The following GXYLT1 variants were observed in gnomAD, a reference collection of about 807,000 sequenced individuals.
GXYLT1 encodes glucoside xylosyltransferase 1.
In GXYLT1, 29 loss-of-function variants were observed where a neutral mutation model predicts 54.0. The ratio of observed to expected loss-of-function variants is 0.54; its 90% confidence interval spans 0.40 to 0.73. The LOEUF is 0.73. Among genes scored for constraint, GXYLT1 ranks in the 30% least tolerant of loss-of-function variants. The pLI, the probability that GXYLT1 is intolerant of heterozygous loss-of-function variation, is 0.00. For synonymous variants in GXYLT1, 176 were observed against 204.1 expected (o/e 0.86, Z 1.17); for missense variants, 490 against 553.4 (o/e 0.89, Z 1.15).
chr12:42,111,279 G>C (rs2065453123), intron 3 of GXYLT1, among the ~76,000 whole-genome samples: 1 of 152,238 alleles, frequency 6.6e-6, no homozygotes, highest in Admixed American at 6.5e-5. Flanking sequence ...CCAGACAGTA[G>C]GTGCAGGACA....
chr12:42,110,192 C>T (rs2136894602), intron 3 of GXYLT1, among the ~76,000 whole-genome samples: 2 of 152,254 alleles, frequency 1.3e-5, no homozygotes, highest in South Asian at 2.1e-4. Flanking sequence ...GATACATAGC[C>T]AATGCCAATT....
rs938663247 is a variant in GXYLT1, at chr12:42,086,622, T to C, written c.*1164A>G. The stretch of plus-strand genomic sequence containing the variant: ...TCAAGAATGCCAAAGAAGTAATTTC[T>C]CAAGATTTAAAAAAATTAACTGTCT... On this transcript the variant is annotated 3_prime_UTR_variant, in exon 8 of 8. Transcript: ENST00000398675. 1 of 152,176 alleles carries C rather than the reference T, an allele frequency of 6.6e-6. No homozygotes were observed. The highest frequency in any genetic ancestry group is 1.5e-5 in the Non-Finnish European group (1 of 68,004). 9.4% of individuals were successfully genotyped at this position (152,176 alleles called of 1,614,324 possible). A position where few individuals can be genotyped will look rare whatever the true frequency, so the allele number is the denominator to read the frequency against.
intron 4 of GXYLT1, among the ~76,000 whole-genome samples, chr12:42,108,650 G>A (rs1482196768): frequency 1.3e-5 from 2 of 152,018 alleles, no homozygotes; most frequent in African/African-American, 4.8e-5. Context: ...TTTTAGGGCG[G>A]AGCAACAAAC....
chr12:42,089,286 A>C (rs1244658398), intron 7 of GXYLT1, among the ~76,000 whole-genome samples: 1 of 140,152 alleles, frequency 7.1e-6, no homozygotes, highest in African/African-American at 2.7e-5. Flanking sequence ...GAACTGAACA[A>C]TGAGAACACA....
intron 2 of GXYLT1, among the ~76,000 whole-genome samples, chr12:42,121,192 C>T (rs2065528987): frequency 1.3e-5 from 2 of 152,150 alleles, no homozygotes; most frequent in Non-Finnish European, 2.9e-5. Flanking sequence ...ATAACAGGCT[C>T]GGATTGCTTT....
intron 3 of GXYLT1, among the ~76,000 whole-genome samples, chr12:42,116,667 G>T (rs373918730): frequency 1.6e-4 from 25 of 152,270 alleles, no homozygotes; most frequent in East Asian, 7.7e-4. Flanking sequence ...GGAACACTTT[G>T]ACACTGTTGG....
At position 42,116,360 on chromosome 12, in the gene GXYLT1, A is replaced by T. The variant is rs185231933; in HGVS notation, c.486+2640T>A. On this transcript the variant is annotated intron_variant, in intron 3 of 7. Coordinates refer to ENST00000398675, the MANE Select transcript of GXYLT1 (RefSeq NM_173601.2). ...GAACCGGCAACCTACAGAATGGGAG[A>T]AAATTTTTGCAAGCTACTCATCTGA... Among the ~76,000 whole-genome samples the T allele has an allele frequency of 3.7e-3, 565 of 152,346 alleles. 1 individual carries two copies. The highest frequency in any genetic ancestry group is 0.011 in the African/African-American group (467 of 41,570).
At chr12:42,115,865 C>T (rs1216224100) in intron 3 of GXYLT1, among the ~76,000 whole-genome samples, 12 of 134,116 alleles carry the variant, frequency 8.9e-5, no homozygotes, top group Middle Eastern at 3.6e-3. Flanking sequence ...CATCATGCTA[C>T]CTGACTTCAA....
At chr12:42,135,068 A>G (rs538082513) in intron 1 of GXYLT1, among the ~76,000 whole-genome samples, 2 of 152,336 alleles carry the variant, frequency 1.3e-5, no homozygotes, top group East Asian at 1.9e-4. Flanking sequence ...TCCCTGCATC[A>G]TTTATTGACT....
Position 42,109,702 on chromosome 12 carries a change from T to TAA in GXYLT1, c.487-12_487-11insTT, listed in dbSNP as rs201103553. The stretch of plus-strand genomic sequence containing the variant: ...TGACCAGTTGTCAAGCTAAAACAAT[T>TAA]TAAAAAAAAACTGTTTAGTTTCACT... On this transcript the variant is annotated splice_polypyrimidine_tract_variant and intron_variant, in intron 3 of 7. Coordinates refer to ENST00000398675, the MANE Select transcript of GXYLT1 (RefSeq NM_173601.2). 2.2e-3 allele frequency: 2,869 copies of TAA among 1,307,264 alleles called. 3 individuals carry two copies. The highest frequency in any genetic ancestry group is 2.6e-3 in the Non-Finnish European group (2,525 of 955,366). 81.0% of individuals were successfully genotyped at this position (1,307,264 alleles called of 1,614,324 possible). A position where few individuals can be genotyped will look rare whatever the true frequency, so the allele number is the denominator to read the frequency against.
At chr12:42,088,726 G>A (rs944254785) in intron 7 of GXYLT1, among the ~76,000 whole-genome samples, 6 of 151,964 alleles carry the variant, frequency 3.9e-5, no homozygotes, top group Admixed American at 2.6e-4. Context: ...TTTCAACTAG[G>A]TGTATTTTCA....
intron 3 of GXYLT1, among the ~76,000 whole-genome samples, chr12:42,114,305 C>G (rs569408124): frequency 1.3e-5 from 2 of 152,194 alleles, no homozygotes; most frequent in South Asian, 4.2e-4. Flanking sequence ...GAAACAGAGA[C>G]ACAAAAAACA....
Position 42,107,525 on chromosome 12 carries a change from T to C in GXYLT1, c.613-1456A>G, listed in dbSNP as rs1013014297. ...GACCAATACGGCAAAACGCTGTCTC[T>C]ACTAAAAATACAAAAATTAGCCAGG... On this transcript the variant is annotated intron_variant, in intron 4 of 7. Coordinates refer to ENST00000398675, the MANE Select transcript of GXYLT1 (RefSeq NM_173601.2). Among the ~76,000 whole-genome samples the C allele has an allele frequency of 4.6e-5, 7 of 152,100 alleles. 1 individual carries two copies. The highest frequency in any genetic ancestry group is 1.7e-4 in the African/African-American group (7 of 41,410).
chr12:42,128,551 A>T (rs1268457577), intron 2 of GXYLT1, among the ~76,000 whole-genome samples: 1 of 152,134 alleles, frequency 6.6e-6, no homozygotes, highest in East Asian at 1.9e-4. Flanking sequence ...ACAACTTGTC[A>T]CACTCTATTG....
chr12:42,129,833 C>G lies in GXYLT1; in HGVS notation c.240G>C (p.Leu80=), dbSNP rs750477571. The G allele has an allele frequency of 2.5e-6, 4 of 1,612,814 alleles. No individual in the cohort carries two copies. The highest frequency in any genetic ancestry group is 1.7e-5 in the Admixed American group (1 of 60,006). The stretch of plus-strand genomic sequence containing the variant: ...GCATCCAATAGGGATTCCAGTAACA[C>G]AGAGAGAAATCTTTACACCTAACAG... ...GVSDRCKDFS[L]CYWNPYWMLP... The change falls in exon 2 of 8, where the codon CTG becomes CTC. Residue 80 remains leucine (L), a synonymous_variant. Transcript: ENST00000398675.
chr12:42,107,792 T>C (rs1482777643), intron 4 of GXYLT1, among the ~76,000 whole-genome samples: 1 of 152,180 alleles, frequency 6.6e-6, no homozygotes, highest in Non-Finnish European at 1.5e-5. Flanking sequence ...AGCAACATTC[T>C]ACATCTGTGT....
At position 42,087,635 on chromosome 12, in the gene GXYLT1, C is replaced by T; in HGVS notation, c.*151G>A. The T allele has an allele frequency of 3.6e-6, 2 of 562,336 alleles. No individual in the cohort carries two copies. Among genetic ancestry groups the T allele is most frequent in the South Asian group, 2.4e-5 (1 of 42,310 alleles). The allele number at this position is 562,336 out of a possible 1,614,324, so 34.8% of individuals were successfully genotyped here. A position where few individuals can be genotyped will look rare whatever the true frequency, so the allele number is the denominator to read the frequency against. On this transcript the variant is annotated 3_prime_UTR_variant, in exon 8 of 8. Transcript: ENST00000398675. ...AAGATTTTAACTTATTCTTCATTAC[C>T]TGAAAATACTGCTTACTTAACTTCT...
At chr12:42,128,842 T>TA (rs567869941) in intron 2 of GXYLT1, among the ~76,000 whole-genome samples, 63 of 149,988 alleles carry the variant, frequency 4.2e-4, no homozygotes, top group Admixed American at 6.6e-4. Flanking sequence ...CTGGGTAATT[T>TA]AAAAAAAAAA....
Position 42,082,775 on chromosome 12 carries a change from C to T in GXYLT1, c.*5011G>A, listed in dbSNP as rs1210082320. 1 of 152,228 alleles carries T rather than the reference C, an allele frequency of 6.6e-6. No homozygotes were observed. The highest frequency in any genetic ancestry group is 1.5e-5 in the Non-Finnish European group (1 of 68,064). The allele number at this position is 152,228 out of a possible 1,614,324, so 9.4% of individuals were successfully genotyped here. On this transcript the variant is annotated 3_prime_UTR_variant, in exon 8 of 8. Transcript: ENST00000398675. ...GATTACATGCATGAGCCACCACACCCAGCCAATTTACTTTTTAATAGAATA... is the reference window on the plus strand; with the variant it reads ...GATTACATGCATGAGCCACCACACCTAGCCAATTTACTTTTTAATAGAATA...
Sources: allele counts gnomAD v4.1 joint callset (sites outside exome capture counted in the v4.1 genomes callset), GRCh38; gene constraint gnomAD v4.1.1; transcripts MANE v1.5; gene names NCBI Gene and HGNC (gene_info 2026-07-23, HGNC 2026-07-21).